Variants in SPOCK1 observed in about 807,000 individuals in gnomAD.
The protein encoded by SPOCK1 is SPARC (osteonectin), cwcv and kazal like domains proteoglycan 1.
Under a neutral mutation model 55.3 loss-of-function variants are expected in SPOCK1, and 23 were observed. That is an observed-to-expected ratio of 0.42 (90% CI 0.30 to 0.59). The LOEUF (loss-of-function observed/expected upper bound fraction) is 0.59. SPOCK1 is among the 20% of genes least tolerant of loss of function. The pLI is 0.22. For missense variants in SPOCK1, 499 were observed against 552.5 expected, an observed-to-expected ratio of 0.90 and a Z score of 0.97; for synonymous variants, 226 against 221.0, an observed-to-expected ratio of 1.02 and a Z score of -0.20.
intron 6 of SPOCK1, among the ~76,000 whole-genome samples, chr5:137,011,483 T>C (rs939780937): frequency 2.0e-5 from 3 of 152,194 alleles, no homozygotes; most frequent in Non-Finnish European, 2.9e-5. Flanking sequence ...CTCTTCATGC[T>C]TTCCACAATT....
chr5:137,131,971 CAAAAA>C (rs1156253291), intron 4 of SPOCK1, among the ~76,000 whole-genome samples: 1 of 12,728 alleles, frequency 7.9e-5, no homozygotes, highest in Non-Finnish European at 1.2e-4. Context: ...GACTCCGTCT[CAAAAA>C]AAAAAAAAAA....
chr5:137,005,544 A>G (rs2126971180), intron 6 of SPOCK1, among the ~76,000 whole-genome samples: 2 of 152,338 alleles, frequency 1.3e-5, no homozygotes, highest in African/African-American at 4.8e-5. Flanking sequence ...GCAGTATTCA[A>G]GAACTCAGGG....
chr5:137,140,747 ATTTT>A (rs11309240), intron 3 of SPOCK1, 53 bp from the exon 4 acceptor site: 3,051 of 350,256 alleles, frequency 8.7e-3, no homozygotes, highest in African/African-American at 0.011. Flanking sequence ...GGGAAATTTA[ATTTT>A]TTTTTTTTTT....
chr5:137,365,933 G>T (rs1047574515), intron 2 of SPOCK1, among the ~76,000 whole-genome samples: 1 of 152,110 alleles, frequency 6.6e-6, no homozygotes, highest in Non-Finnish European at 1.5e-5. Flanking sequence ...ACACAACGAC[G>T]CACAAAAGTA....
At chr5:137,313,353 C>A in intron 2 of SPOCK1, 1 of 943,912 alleles carries the variant, frequency 1.1e-6, no homozygotes, top group Non-Finnish European at 1.3e-6. Context: ...CACAGAAGAG[C>A]CAGACATTGA....
At chr5:137,117,598 A>T (rs1416259478) in intron 4 of SPOCK1, among the ~76,000 whole-genome samples, 1 of 152,240 alleles carries the variant, frequency 6.6e-6, no homozygotes, top group Admixed American at 6.5e-5. Flanking sequence ...GGACCTTTAG[A>T]ATTTTCTCCT....
At chr5:137,434,865 A>C (rs2149830176) in intron 2 of SPOCK1, among the ~76,000 whole-genome samples, 1 of 152,320 alleles carries the variant, frequency 6.6e-6, no homozygotes, top group South Asian at 2.1e-4. Context: ...AATTCCTGAA[A>C]TATCAATGAA....
At chr5:137,376,709 T>C (rs1164928041) in intron 2 of SPOCK1, among the ~76,000 whole-genome samples, 2 of 151,820 alleles carry the variant, frequency 1.3e-5, no homozygotes, top group Non-Finnish European at 2.9e-5. Context: ...CAGGCTCTTG[T>C]TTTTTTTCTC....
chr5:137,236,029 T>C (rs1257056846), intron 3 of SPOCK1, among the ~76,000 whole-genome samples: 2 of 152,202 alleles, frequency 1.3e-5, no homozygotes, highest in Non-Finnish European at 2.9e-5. Flanking sequence ...ACTGCGTCCC[T>C]CCCAGGGCGG....
chr5:137,466,070 C>T (rs1007102459), intron 2 of SPOCK1, among the ~76,000 whole-genome samples: 1 of 152,232 alleles, frequency 6.6e-6, no homozygotes, highest in Admixed American at 6.5e-5. Context: ...CACAATGCCA[C>T]AATCTGCCTC....
chr5:137,454,784 C>A (rs1337718074), intron 2 of SPOCK1, among the ~76,000 whole-genome samples: 3 of 152,130 alleles, frequency 2.0e-5, no homozygotes, highest in Non-Finnish European at 4.4e-5. Flanking sequence ...TGAATCACAG[C>A]AATAAATGAC....
At chr5:137,409,640 G>A (rs894858561) in intron 2 of SPOCK1, among the ~76,000 whole-genome samples, 22 of 152,340 alleles carry the variant, frequency 1.4e-4, no homozygotes, top group Middle Eastern at 3.4e-3. Context: ...CTTGGCACAT[G>A]ATGAATATTA....
intron 3 of SPOCK1, among the ~76,000 whole-genome samples, chr5:137,188,208 C>T (rs1168448004): frequency 6.6e-6 from 1 of 152,164 alleles, no homozygotes; most frequent in Non-Finnish European, 1.5e-5. Flanking sequence ...TTACACCTGC[C>T]CCCAACTTGC....
intron 2 of SPOCK1, among the ~76,000 whole-genome samples, chr5:137,280,954 T>C (rs2127125118): frequency 6.6e-6 from 1 of 152,210 alleles, no homozygotes; most frequent in Admixed American, 6.5e-5. Context: ...ATAGTGCCCA[T>C]GACCCACTGT....
intron 3 of SPOCK1, among the ~76,000 whole-genome samples, chr5:137,170,859 G>A (rs1024410671): frequency 6.6e-6 from 1 of 152,082 alleles, no homozygotes; most frequent in African/African-American, 2.4e-5. Flanking sequence ...TTAAAGATAA[G>A]GAAACTAAAG....
chr5:137,242,183 T>C (rs1756295446), intron 3 of SPOCK1, among the ~76,000 whole-genome samples: 1 of 152,136 alleles, frequency 6.6e-6, no homozygotes, highest in Admixed American at 6.5e-5. Context: ...GTCTGGTGGA[T>C]ATGGCAAAAC....
intron 2 of SPOCK1, among the ~76,000 whole-genome samples, chr5:137,347,059 G>A (rs766394070): frequency 4.6e-5 from 7 of 152,048 alleles, no homozygotes; most frequent in South Asian, 2.1e-4. Context: ...CCCCTGCAGC[G>A]TCATTACCTT....
intron 8 of SPOCK1, 84 bp from the exon 9 acceptor site, chr5:136,985,286 T>TAGAC: frequency 1.6e-6 from 2 of 1,287,246 alleles, no homozygotes; most frequent in Non-Finnish European, 2.3e-6. Context: ...ATGTGAAATG[T>TAGAC]AGACAATGAC....
intron 4 of SPOCK1, among the ~76,000 whole-genome samples, chr5:137,114,941 G>A (rs771913790): frequency 9.2e-5 from 14 of 152,198 alleles, no homozygotes; most frequent in Non-Finnish European, 4.4e-5. Flanking sequence ...GAGGAAAAAA[G>A]CCTAAGGGAG....
Sources: gnomAD v4.1 joint callset for allele counts (sites outside exome capture counted in the v4.1 genomes callset) on GRCh38, gnomAD v4.1.1 for gene constraint, MANE v1.5 for transcripts, NCBI Gene and HGNC (gene_info 2026-07-23, HGNC 2026-07-21) for gene names.